Variants in PDE6B observed in about 807,000 individuals in gnomAD.
The protein encoded by PDE6B is phosphodiesterase 6B.
Under a neutral mutation model 109.0 loss-of-function variants are expected in PDE6B, and 106 were observed. The observed-to-expected ratio is 0.97, with a 90% CI of 0.83 to 1.14. PDE6B has a LOEUF of 1.14. Ranked by LOEUF, PDE6B falls within the 50% of genes most tolerant of loss-of-function variation. PDE6B has a pLI of 0.00. For synonymous variants in PDE6B, 490 were observed against 471.3 expected (o/e 1.04, Z -0.51); for missense variants, 1,193 against 1,155.6 (o/e 1.03, Z -0.47).
chr4:660,663 C>T, intron 12 of PDE6B, 50 bp downstream of exon 12: 1 of 1,556,254 alleles, frequency 6.4e-7, no homozygotes, highest in Non-Finnish European at 8.8e-7. Flanking sequence ...CCGCCCAGGA[C>T]ATGGGGGTGG....
intron 6 of PDE6B, 89 bp from the exon 7 acceptor site, chr4:655,851 C>T: frequency 2.4e-6 from 2 of 825,878 alleles, no homozygotes; most frequent in Non-Finnish European, 4.3e-6. Flanking sequence ...CCCCTCTCAC[C>T]CCTGCACACA....
chr4:625,681 G>T lies in PDE6B; in HGVS notation c.55G>T (p.Ala19Ser), dbSNP rs201287238. Residue 19 changes from alanine to serine, a missense_variant, in exon 1 of 22, where the codon GCC becomes TCC. Transcript: ENST00000496514. This position sits in a 1 kb window ranked among gnomAD's most constrained non-coding sequence, Gnocchi z 5.0. Reference sequence around the variant, plus strand: ...CTTTCTGGACCAGAACCCCGATTTTGCCCGCCAGTACTTTGGGAAGAAACT... The same window carrying T: ...CTTTCTGGACCAGAACCCCGATTTTTCCCGCCAGTACTTTGGGAAGAAACT... The part of the protein sequence containing the change: ...RSFLDQNPDF[A>S]RQYFGKKLSP... 6.8e-6 allele frequency: 11 copies of T among 1,613,780 alleles called. No individual in the cohort carries two copies. In the African/African-American group the frequency reaches 1.5e-4, roughly 22 times the overall value.
intron 6 of PDE6B, chr4:655,409 C>A: frequency 3.5e-6 from 1 of 283,750 alleles, no homozygotes; most frequent in South Asian, 3.8e-5. Context: ...ACCCCATCCC[C>A]AGGCCCCAAG....
intron 1 of PDE6B, among the ~76,000 whole-genome samples, chr4:632,173 C>T (rs9997286): frequency 0.18 from 27,412 of 150,366 alleles, 2,986 homozygotes; most frequent in African/African-American, 0.3. Flanking sequence ...CCAGGTGTCA[C>T]GCTGTGATCT....
At position 670,045 on chromosome 4, in the gene PDE6B, G is replaced by C. The variant is rs201870319; in HGVS notation, c.2504-1G>C. On this transcript the variant is annotated splice_acceptor_variant, in intron 21 of 21. Coordinates refer to ENST00000496514, the MANE Select transcript of PDE6B (RefSeq NM_000283.4). LOFTEE classifies it high-confidence loss of function. Reference sequence around the variant, plus strand: ...TCACCATCTTCTGTCTTCTCTTGCAGTAGGCACAGAAATTTGCAATGGCGG... The same window carrying C: ...TCACCATCTTCTGTCTTCTCTTGCACTAGGCACAGAAATTTGCAATGGCGG... The C allele has an allele frequency of 7.8e-5, 126 of 1,612,474 alleles. 2 individuals carry two copies. The Admixed American group carries it at 9.5e-4, about 12-fold the overall frequency.
Position 666,648 on chromosome 4 carries a change from G to C in PDE6B, c.2352+34G>C. The C allele has an allele frequency of 6.8e-7, 1 of 1,464,700 alleles. No homozygotes were observed. Among genetic ancestry groups the C allele is most frequent in the Non-Finnish European group, 9.6e-7 (1 of 1,044,110 alleles). 90.7% of individuals were successfully genotyped at this position (1,464,700 alleles called of 1,614,324 possible). On this transcript the variant is annotated intron_variant, in intron 20 of 21. Coordinates refer to ENST00000496514, the MANE Select transcript of PDE6B (RefSeq NM_000283.4). The surrounding 1 kb of genome is among the most constrained non-coding windows in gnomAD (Gnocchi z 5.6). ...TTCACGGGTGTTCCGAGCTGACTGG[G>C]GCAGGGTGGCTGGGAGCAGGCAAGG...
rs537408912 is a variant in PDE6B, at chr4:667,674, C to T, written c.2353-182C>T. Among the ~76,000 whole-genome samples, 377 of 152,342 alleles carry T rather than the reference C, an allele frequency of 2.5e-3. 2 individuals are homozygous for T. The highest frequency in any genetic ancestry group is 8.7e-3 in the African/African-American group (363 of 41,588). ...CTAAAGCTCCCGGCTTCAATGTCAC[C>T]AACACAGCCCCCGAGGTTTCTCCCT... is the stretch of plus-strand genomic sequence containing the variant. On this transcript the variant is annotated intron_variant, in intron 20 of 21. Coordinates refer to ENST00000496514, the MANE Select transcript of PDE6B (RefSeq NM_000283.4).
rs1297230402 is a variant in PDE6B at position 653,233 on chromosome 4, C to T, written c.712-619C>T. On this transcript the variant is annotated intron_variant, in intron 3 of 21. Transcript: ENST00000496514. ...GCGGTAGAAGACCCAGCGGCCGCCGCGAGTGTGAGGAGGCAGGGCCTGGTG... is the reference window on the plus strand; with the variant it reads ...GCGGTAGAAGACCCAGCGGCCGCCGTGAGTGTGAGGAGGCAGGGCCTGGTG... 1.1e-5 allele frequency: 11 copies of T among 1,010,496 alleles called. No homozygotes were observed. The East Asian group carries it at 2.9e-4, about 27-fold the overall frequency. The allele number at this position is 1,010,496 out of a possible 1,614,324, so 62.6% of individuals were successfully genotyped here.
Position 635,921 on chromosome 4 carries a change from G to A in PDE6B, c.663G>A (p.Lys221=), listed in dbSNP as rs199674705. The change falls in exon 3 of 22, where the codon AAG becomes AAA. Residue 221 remains lysine, a synonymous_variant. Coordinates refer to ENST00000496514, the MANE Select transcript of PDE6B (RefSeq NM_000283.4). ...KYLNFATLYL[K]IYHLSYLHNC... Reference sequence around the variant, plus strand: ...TGAATTTTGCCACGTTGTACCTGAAGATCTATCACCTGAGCTACCTCCACA... The same window carrying A: ...TGAATTTTGCCACGTTGTACCTGAAAATCTATCACCTGAGCTACCTCCACA... The A allele has an allele frequency of 3.1e-6, 5 of 1,609,004 alleles. No individual in the cohort carries two copies. The East Asian group carries it at 1.1e-4, about 36-fold the overall frequency.
Position 625,930 on chromosome 4 carries a change from G to A in PDE6B, c.304G>A (p.Gly102Ser), listed in dbSNP as rs750237172. The change falls in exon 1 of 22, where the codon GGC becomes AGC. Residue 102 changes from glycine (G) to serine (S), a missense_variant. Transcript: ENST00000496514. The surrounding 1 kb of genome is among the most constrained non-coding windows in gnomAD (Gnocchi z 5.0). ...CCTCTTCATGTACCGCCAGCGCAAC[G>A]GCGTGGCCGAGCTGGCCACCAGGCT... ...CSLFMYRQRN[G>S]VAELATRLFS... 2.1e-5 allele frequency: 34 copies of A among 1,595,896 alleles called. No individual in the cohort carries two copies. The highest frequency in any genetic ancestry group is 3.3e-4 in the Middle Eastern group (2 of 6,058).
rs1484708787 is a variant in PDE6B, at chr4:648,704, G to A, written c.712-5148G>A. Among the ~76,000 whole-genome samples, 1 of 152,242 alleles carries A rather than the reference G, an allele frequency of 6.6e-6. No individual in the cohort carries two copies. The highest frequency in any genetic ancestry group is 1.5e-5 in the Non-Finnish European group (1 of 68,040). On this transcript the variant is annotated intron_variant, in intron 3 of 21. Coordinates refer to ENST00000496514, the MANE Select transcript of PDE6B (RefSeq NM_000283.4). This position sits in a 1 kb window ranked among gnomAD's most constrained non-coding sequence, Gnocchi z 4.5. ...CCCTACAGAGCTCAGGTTTCTCTCT[G>A]ACCTGTCACGGCAGCTGCCTGTTCG...
Position 665,916 on chromosome 4 carries a change from G to C in PDE6B, c.2268+587G>C, listed in dbSNP as rs1737740943. 2.0e-5 allele frequency among the ~76,000 whole-genome samples: 3 copies of C among 152,214 alleles called. No individual in the cohort carries two copies. The highest frequency in any genetic ancestry group is 7.2e-5 in the African/African-American group (3 of 41,474). ...GGCGAGGGGCTCTCTGGAGCCTGCA[G>C]TGGAGAGGGCTTAGGCCAGGTGCAG... On this transcript the variant is annotated intron_variant, in intron 19 of 21. Transcript: ENST00000496514. The surrounding 1 kb of genome is among the most constrained non-coding windows in gnomAD (Gnocchi z 4.0).
rs1274691927 is a variant in PDE6B at position 648,111 on chromosome 4, G to A, written c.712-5741G>A. 6.6e-6 allele frequency among the ~76,000 whole-genome samples: 1 copy of A among 151,768 alleles called. No homozygotes were observed. The highest frequency in any genetic ancestry group is 1.5e-5 in the Non-Finnish European group (1 of 68,004). On this transcript the variant is annotated intron_variant, in intron 3 of 21. Coordinates refer to ENST00000496514, the MANE Select transcript of PDE6B (RefSeq NM_000283.4). The surrounding 1 kb of genome is among the most constrained non-coding windows in gnomAD (Gnocchi z 4.5). The stretch of plus-strand genomic sequence containing the variant: ...AGAAAGAAAGAGCCAAGAGTCAGGC[G>A]TATTTGCCCGTTCTGTTGTCTGGTC...
intron 3 of PDE6B, among the ~76,000 whole-genome samples, chr4:650,708 C>T (rs116507487): frequency 0.011 from 1,620 of 152,028 alleles, 44 homozygotes; most frequent in African/African-American, 0.038. Flanking sequence ...GCTGCGGAGG[C>T]GAGAAGGCTG....
intron 3 of PDE6B, among the ~76,000 whole-genome samples, chr4:640,540 G>A (rs1000678779): frequency 1.3e-5 from 2 of 151,518 alleles, no homozygotes; most frequent in African/African-American, 2.4e-5. Flanking sequence ...CTCCATCTTG[G>A]GAAAAAAAAA....
At chr4:660,446 A>G (rs1026696926) in intron 11 of PDE6B, 21 bp from the exon 12 acceptor site, 2 of 1,613,146 alleles carry the variant, frequency 1.2e-6, no homozygotes, top group African/African-American at 2.7e-5. Flanking sequence ...AACCTCCCTC[A>G]GCCCACAATC....
chr4:666,795 C>T lies in PDE6B; in HGVS notation c.2352+181C>T, dbSNP rs575021026. 3.3e-5 allele frequency among the ~76,000 whole-genome samples: 5 copies of T among 152,228 alleles called. No homozygotes were observed. The East Asian group carries it at 7.7e-4, about 24-fold the overall frequency. ...GCAAATGGGGAGGAACATCAGTTTC[C>T]GGACCCCCACAGGTGCCCCAGCCCA... On this transcript the variant is annotated intron_variant, in intron 20 of 21. Transcript: ENST00000496514. The surrounding 1 kb of genome is among the most constrained non-coding windows in gnomAD (Gnocchi z 5.6).
intron 3 of PDE6B, among the ~76,000 whole-genome samples, chr4:638,977 C>T (rs905072350): frequency 2.6e-5 from 4 of 152,184 alleles, no homozygotes; most frequent in African/African-American, 9.6e-5. Flanking sequence ...ACCCTCTGTT[C>T]CCTCCAGGGT....
intron 9 of PDE6B, 122 bp from the exon 10 acceptor site, chr4:657,229 A>C: frequency 8.0e-7 from 1 of 1,244,870 alleles, no homozygotes; most frequent in Non-Finnish European, 1.2e-6. Context: ...ACACAGAAGC[A>C]CTGCGACACC....
Sources: allele counts gnomAD v4.1 joint callset (sites outside exome capture counted in the v4.1 genomes callset), GRCh38; gene constraint gnomAD v4.1.1; non-coding constraint Gnocchi (gnomAD v3.1); transcripts MANE v1.5; gene names NCBI Gene and HGNC (gene_info 2026-07-23, HGNC 2026-07-21).